Variants in LAMA2 observed in about 807,000 individuals in gnomAD.
LAMA2 encodes the protein laminin subunit alpha-2.
A neutral mutation model predicts 364.8 loss-of-function variants in LAMA2; 269 were observed. That is an observed-to-expected ratio of 0.74 (90% confidence interval 0.67 to 0.82). The LOEUF (loss-of-function observed/expected upper bound fraction) is 0.82. LAMA2 is among the 40% of genes least tolerant of loss of function. LAMA2 has a pLI of 0.00. For missense variants in LAMA2, 3,807 were observed against 3,873.2 expected, an observed-to-expected ratio of 0.98 and a Z score of 0.45; for synonymous variants, 1,379 against 1,370.6, an observed-to-expected ratio of 1.01 and a Z score of -0.14.
At chr6:128,938,805 A>T (rs1006471639) in intron 1 of LAMA2, among the ~76,000 whole-genome samples, 2 of 152,122 alleles carry the variant, frequency 1.3e-5, no homozygotes, top group African/African-American at 4.8e-5. Flanking sequence ...AGCAAAAGGG[A>T]TAGAATTCTA....
chr6:129,234,172 G>T (rs1368423932), intron 12 of LAMA2, among the ~76,000 whole-genome samples: 1 of 152,122 alleles, frequency 6.6e-6, no homozygotes, highest in East Asian at 1.9e-4. Flanking sequence ...TCCAATATGA[G>T]ACTTTATTTC....
intron 3 of LAMA2, among the ~76,000 whole-genome samples, chr6:129,079,698 A>G (rs1185677804): frequency 6.6e-6 from 1 of 152,210 alleles, no homozygotes; most frequent in Non-Finnish European, 1.5e-5. Context: ...TGTTGGAAAG[A>G]ATAGCAGTGA....
chr6:128,973,701 G>T (rs1187110406), intron 1 of LAMA2, among the ~76,000 whole-genome samples: 1 of 152,166 alleles, frequency 6.6e-6, no homozygotes, highest in African/African-American at 2.4e-5. Context: ...GAGGAGGTGG[G>T]TGGAGGATGG....
intron 1 of LAMA2, among the ~76,000 whole-genome samples, chr6:128,973,514 T>C (rs574826354): frequency 7.2e-5 from 11 of 152,310 alleles, no homozygotes; most frequent in Admixed American, 5.2e-4. Flanking sequence ...ACTCTACTGG[T>C]GATTAAAATA....
At chr6:129,292,927 A>C (rs1177033582) in intron 20 of LAMA2, 1 of 985,846 alleles carries the variant, frequency 1.0e-6, no homozygotes. Context: ...TTCGTAGGGA[A>C]ACAGTGCAAC....
chr6:129,098,420 G>A lies in LAMA2; in HGVS notation c.639+5G>A, dbSNP rs1179211502. ...CACCCCTTAGAAAATGGAGAGGTAAGATGAGAAAACTCACCATTTAAGCAC... is the reference window on the plus strand; with the variant it reads ...CACCCCTTAGAAAATGGAGAGGTAAAATGAGAAAACTCACCATTTAAGCAC... On this transcript the variant is annotated splice_donor_5th_base_variant and intron_variant, in intron 4 of 64. Coordinates refer to ENST00000421865, the MANE Select transcript of LAMA2 (RefSeq NM_000426.4). The A allele has an allele frequency of 1.2e-6, 2 of 1,613,906 alleles. No individual in the cohort carries two copies. The highest frequency in any genetic ancestry group is 1.1e-5 in the South Asian group (1 of 91,038).
At chr6:129,343,687 A>G (rs1356081464) in intron 30 of LAMA2, among the ~76,000 whole-genome samples, 1 of 152,208 alleles carries the variant, frequency 6.6e-6, no homozygotes, top group African/African-American at 2.4e-5. Flanking sequence ...AATAAAAGCT[A>G]CAGGAGATAT....
intron 8 of LAMA2, among the ~76,000 whole-genome samples, chr6:129,160,562 T>G (rs1462098485): frequency 3.3e-5 from 5 of 151,976 alleles, no homozygotes; most frequent in African/African-American, 1.2e-4. Flanking sequence ...TTTTGTGTTT[T>G]TATTGATTCT....
intron 3 of LAMA2, among the ~76,000 whole-genome samples, chr6:129,065,494 T>C (rs1789234226): frequency 6.6e-6 from 1 of 152,092 alleles, no homozygotes. Context: ...GACATAATCT[T>C]ACATATAGAA....
At position 128,900,866 on chromosome 6, in the gene LAMA2, T is replaced by C. The variant is rs529749872; in HGVS notation, c.112+17509T>C. 3.9e-5 allele frequency among the ~76,000 whole-genome samples: 6 copies of C among 152,298 alleles called. No homozygotes were observed. In the South Asian group the frequency reaches 1.2e-3, roughly 32 times the overall value. ...GGTATTTGAGCCATCAAGAACACCCTCCTGTCTAGGCATGGTGGCTCACAG... is the reference window on the plus strand; with the variant it reads ...GGTATTTGAGCCATCAAGAACACCCCCCTGTCTAGGCATGGTGGCTCACAG... On this transcript the variant is annotated intron_variant, in intron 1 of 64. Transcript: ENST00000421865.
chr6:129,316,379 G>T (rs965064099), intron 27 of LAMA2, among the ~76,000 whole-genome samples: 5 of 150,658 alleles, frequency 3.3e-5, no homozygotes, highest in African/African-American at 1.2e-4. Context: ...ACGTTAAAGG[G>T]AAAAAAAAAT....
chr6:128,962,158 A>ATATATATG (rs1355958177), intron 1 of LAMA2, among the ~76,000 whole-genome samples: 8 of 112,756 alleles, frequency 7.1e-5, no homozygotes, highest in Non-Finnish European at 1.4e-4. Context: ...ATATATATAT[A>ATATATATG]TATATATATA....
intron 12 of LAMA2, among the ~76,000 whole-genome samples, chr6:129,219,935 A>G (rs1387833115): frequency 6.6e-6 from 1 of 151,644 alleles, no homozygotes; most frequent in Admixed American, 6.6e-5. Context: ...TAACTGGCAC[A>G]TGGTGCACAT....
chr6:129,004,815 C>G (rs1032219768), intron 1 of LAMA2, among the ~76,000 whole-genome samples: 2 of 151,044 alleles, frequency 1.3e-5, no homozygotes, highest in Admixed American at 1.3e-4. Flanking sequence ...ATTAATATAT[C>G]CTTGATTCTT....
chr6:129,413,702 G>A (rs6911685), intron 40 of LAMA2, among the ~76,000 whole-genome samples: 67,175 of 151,874 alleles, frequency 0.44, 14,980 homozygotes, highest in South Asian at 0.48. Flanking sequence ...TTAAATTTAC[G>A]AAGTATTTAA....
rs191157030 is a variant in LAMA2 at position 129,457,412 on chromosome 6, A to G, written c.6867+918A>G. On this transcript the variant is annotated intron_variant, in intron 48 of 64. Transcript: ENST00000421865. The stretch of plus-strand genomic sequence containing the variant: ...ATAGATAAATATAGGGATAGCACAC[A>G]GTAGTACAAAAGCCATGAATTTTGA... Among the ~76,000 whole-genome samples the G allele has an allele frequency of 7.5e-4, 114 of 152,212 alleles. 1 individual carries two copies. The Middle Eastern group carries it at 0.017, about 23-fold the overall frequency.
intron 34 of LAMA2, among the ~76,000 whole-genome samples, chr6:129,375,482 A>T (rs1193577770): frequency 6.6e-6 from 1 of 152,222 alleles, no homozygotes; most frequent in Non-Finnish European, 1.5e-5. Context: ...TTTTTATAAG[A>T]TAACCAATGA....
Position 129,343,066 on chromosome 6 carries a change from T to A in LAMA2, c.4436+599T>A, listed in dbSNP as rs145611592. ...AGAAACAAAAGCTGGAATATCTTAT[T>A]TCAGTGCTGTCTGAACATTCTGCAC... On this transcript the variant is annotated intron_variant, in intron 30 of 64. Transcript: ENST00000421865. Among the ~76,000 whole-genome samples the A allele has an allele frequency of 1.8e-3, 278 of 152,256 alleles. 4 individuals are homozygous for A. The highest frequency in any genetic ancestry group is 0.017 in the Admixed American group (259 of 15,292).
chr6:129,503,274 G>A lies in LAMA2; in HGVS notation c.8541G>A (p.Trp2847Ter), dbSNP rs1174141720. The A allele has an allele frequency of 6.2e-7, 1 of 1,613,406 alleles. No individual in the cohort carries two copies. The highest frequency in any genetic ancestry group is 8.5e-7 in the Non-Finnish European group (1 of 1,179,762). The change falls in exon 60 of 65, where the codon TGG becomes TGA. Residue 2847 changes from tryptophan to a stop codon, truncating the protein, a stop_gained. Coordinates refer to ENST00000421865, the MANE Select transcript of LAMA2 (RefSeq NM_000426.4). LOFTEE classifies it high-confidence loss of function. ...MIPTKINDGQ[W>*]HKIKIMRSKQ... ...CCACCAAAATCAATGATGGCCAGTG[G>A]CACAAGGTAATAGTCCCCTGGATAT...
Sources: gnomAD v4.1 joint callset for allele counts (sites outside exome capture counted in the v4.1 genomes callset) on GRCh38, gnomAD v4.1.1 for gene constraint, MANE v1.5 for transcripts, NCBI Gene and HGNC (gene_info 2026-07-23, HGNC 2026-07-21) for gene names.